PXYLP1: variants seen among roughly 807,000 people sequenced by gnomAD.
PXYLP1 encodes 2-phosphoxylose phosphatase 1.
In PXYLP1, 17 loss-of-function variants were observed where a neutral mutation model predicts 37.9. The observed-to-expected ratio is 0.45, with a 90% confidence interval of 0.31 to 0.67. The LOEUF (loss-of-function observed/expected upper bound fraction) is 0.67, where lower values mean the gene tolerates loss of function less well. Ranked by LOEUF, PXYLP1 falls within the 30% of genes least tolerant of loss-of-function variation. The pLI is 0.07. For missense variants in PXYLP1, 511 were observed against 612.0 expected, an observed-to-expected ratio of 0.84 and a Z score of 1.74; for synonymous variants, 221 against 232.2, an observed-to-expected ratio of 0.95 and a Z score of 0.44.
chr3:141,266,646 A>C (rs560119538), intron 2 of PXYLP1, among the ~76,000 whole-genome samples: 14 of 132,766 alleles, frequency 1.1e-4, no homozygotes, highest in African/African-American at 3.8e-4. Context: ...GGAGAGACAG[A>C]GGGAGAGAGG....
chr3:141,244,026 CTACT>C (rs1940879382), intron 1 of PXYLP1, among the ~76,000 whole-genome samples: 3 of 152,224 alleles, frequency 2.0e-5, no homozygotes, highest in South Asian at 2.1e-4. Flanking sequence ...GCCAGGATTC[CTACT>C]TACTTAAGGA....
intron 4 of PXYLP1, among the ~76,000 whole-genome samples, chr3:141,286,875 G>GAA (rs1403082133): frequency 6.6e-6 from 1 of 152,228 alleles, no homozygotes. Flanking sequence ...GGATGAAGGA[G>GAA]AAGGGGATGG....
intron 1 of PXYLP1, among the ~76,000 whole-genome samples, chr3:141,248,282 C>T (rs1459438205): frequency 2.6e-5 from 4 of 151,762 alleles, no homozygotes; most frequent in Admixed American, 2.0e-4. Flanking sequence ...ATCCACCTGC[C>T]CCGGCCTCAA....
intron 2 of PXYLP1, among the ~76,000 whole-genome samples, chr3:141,265,699 C>T (rs746940657): frequency 6.6e-5 from 10 of 152,106 alleles, no homozygotes; most frequent in Admixed American, 5.9e-4. Flanking sequence ...GAGTCTGGCT[C>T]GGGGAGTTCA....
At chr3:141,287,246 T>G in intron 4 of PXYLP1, 68 bp from the exon 5 acceptor site, 1 of 1,565,340 alleles carries the variant, frequency 6.4e-7, no homozygotes, top group Non-Finnish European at 8.7e-7. Context: ...TTTGGCTCGC[T>G]GAAGCTGGAA....
chr3:141,246,404 A>G (rs1210370305), intron 1 of PXYLP1, among the ~76,000 whole-genome samples: 1 of 152,196 alleles, frequency 6.6e-6, no homozygotes, highest in Non-Finnish European at 1.5e-5. Context: ...GAGGAGAAAT[A>G]CAGGGTAACT....
At position 141,294,390 on chromosome 3, in the gene PXYLP1, T is replaced by C. The variant is rs1200430805; in HGVS notation, c.*1185T>C. On this transcript the variant is annotated 3_prime_UTR_variant, in exon 6 of 6. Coordinates refer to ENST00000286353, the MANE Select transcript of PXYLP1 (RefSeq NM_001037172.3). ...GTTTCAAATGGTAAATTCTGATTGA[T>C]TTTTAAATGCGTTTTTGGAAGAACT... The C allele has an allele frequency of 6.6e-6, 1 of 152,250 alleles. No individual in the cohort carries two copies. The highest frequency in any genetic ancestry group is 1.5e-5 in the Non-Finnish European group (1 of 68,038). 9.4% of individuals were successfully genotyped at this position (152,250 alleles called of 1,614,324 possible). A position where few individuals can be genotyped will look rare whatever the true frequency, so the allele number is the denominator to read the frequency against.
intron 1 of PXYLP1, chr3:141,236,384 T>A (rs1394942271): frequency 6.6e-6 from 1 of 152,156 alleles, no homozygotes; most frequent in East Asian, 1.9e-4. Context: ...CATATTAAGA[T>A]GAAAATTATT....
intron 2 of PXYLP1, chr3:141,273,706 T>G (rs1224182265): frequency 2.0e-6 from 2 of 985,206 alleles, no homozygotes. Context: ...GTGGACAGGA[T>G]GAAAGTGATC....
chr3:141,289,674 A>C (rs1050771151), intron 5 of PXYLP1, among the ~76,000 whole-genome samples: 3 of 152,174 alleles, frequency 2.0e-5, no homozygotes, highest in South Asian at 2.1e-4. Context: ...CTCTCTCTCT[A>C]ATTTTTTGTT....
In PXYLP1 at chr3:141,292,788, C is replaced by T. The variant is rs3210458; in HGVS notation, c.1026C>T (p.Phe342=). Residue 342 remains phenylalanine (F), a synonymous_variant, in exon 6 of 6, where the codon TTC becomes TTT. Transcript: ENST00000286353. The surrounding 1 kb of genome is among the most constrained non-coding windows in gnomAD (Gnocchi z 4.3). ...ERERREKKLY[F]GYSLLGAHPI... The stretch of plus-strand genomic sequence containing the variant: ...AAAGACGGGAGAAGAAATTGTACTT[C>T]GGGTATTCTCTCCTGGGTGCCCACC... The T allele has an allele frequency of 0.09, 145,403 of 1,613,050 alleles. 6,796 individuals are homozygous for T. Among genetic ancestry groups the T allele is most frequent in the Middle Eastern group, 0.15 (890 of 6,054 alleles).
intron 2 of PXYLP1, among the ~76,000 whole-genome samples, chr3:141,266,043 G>A (rs1941503227): frequency 6.6e-6 from 1 of 152,134 alleles, no homozygotes; most frequent in Non-Finnish European, 1.5e-5. Flanking sequence ...GAGGGTCTGA[G>A]GCCTATGAGA....
At chr3:141,277,252 CTATTGTTCGTGCGCATGTGTA>C (rs1941818069) in intron 2 of PXYLP1, among the ~76,000 whole-genome samples, 1 of 152,096 alleles carries the variant, frequency 6.6e-6, no homozygotes, top group Non-Finnish European at 1.5e-5. Flanking sequence ...CCTGTTTTAG[CTATTGTTCGTGCGCATGTGTA>C]GATATTATGG....
intron 1 of PXYLP1, among the ~76,000 whole-genome samples, chr3:141,247,143 A>T (rs1052860305): frequency 6.6e-6 from 1 of 152,136 alleles, no homozygotes; most frequent in African/African-American, 2.4e-5. Context: ...TGCCCAGCTG[A>T]CCCAGGCCTG....
intron 3 of PXYLP1, 41 bp from the exon 4 acceptor site, chr3:141,279,337 C>T (rs1412955585): frequency 1.2e-6 from 2 of 1,612,130 alleles, no homozygotes; most frequent in Non-Finnish European, 1.7e-6. Context: ...AGGATTGACA[C>T]CTATTGAGTG....
At chr3:141,266,563 G>A (rs1185911521) in intron 2 of PXYLP1, among the ~76,000 whole-genome samples, 1 of 147,570 alleles carries the variant, frequency 6.8e-6, no homozygotes, top group Non-Finnish European at 1.5e-5. Flanking sequence ...AGCCAAGGGG[G>A]CAACCTGCTT....
chr3:141,275,421 A>G (rs888118598), intron 2 of PXYLP1, among the ~76,000 whole-genome samples: 3 of 152,182 alleles, frequency 2.0e-5, no homozygotes, highest in African/African-American at 7.2e-5. Context: ...CACTCATATT[A>G]TCCTGTCTCC....
At position 141,279,462 on chromosome 3, in the gene PXYLP1, A is replaced by G. The variant is rs1035570616; in HGVS notation, c.323A>G (p.Lys108Arg). The change falls in exon 4 of 6, where the codon AAA becomes AGA. Residue 108 changes from lysine (K) to arginine (R), a missense_variant. Physicochemically the swap from Lys to Arg is conservative, Grantham distance 26. Transcript: ENST00000286353. ...GDRYPLYVIPKTKRPEIDCTL... is the reference protein window; with the variant it reads ...GDRYPLYVIPRTKRPEIDCTL... ...AGGTACCCACTGTATGTCATTCCCA[A>G]AACAAAGCGACCAGAAATTGACTGC... is the stretch of plus-strand genomic sequence containing the variant. 6.2e-7 allele frequency: 1 copy of G among 1,614,242 alleles called. No individual in the cohort carries two copies. Among genetic ancestry groups the G allele is most frequent in the African/African-American group, 1.3e-5 (1 of 75,058 alleles).
intron 2 of PXYLP1, chr3:141,274,548 C>T: frequency 3.3e-6 from 4 of 1,216,428 alleles, no homozygotes; most frequent in Non-Finnish European, 4.7e-6. Flanking sequence ...TTCGGCAACC[C>T]TCAGTGCTCC....
Sources: gnomAD v4.1 joint callset for allele counts (sites outside exome capture counted in the v4.1 genomes callset) on GRCh38, gnomAD v4.1.1 for gene constraint, Gnocchi (gnomAD v3.1) non-coding constraint, MANE v1.5 for transcripts, NCBI Gene and HGNC (gene_info 2026-07-23, HGNC 2026-07-21) for gene names.